Variants in DR1 observed in about 807,000 individuals in gnomAD.
DR1 encodes protein Dr1.
Under a neutral mutation model 19.9 loss-of-function variants are expected in DR1, and 7 were observed. That is an observed-to-expected ratio of 0.35 (90% CI 0.20 to 0.66). The LOEUF (loss-of-function observed/expected upper bound fraction) is 0.66. DR1 is among the 30% of genes least tolerant of loss of function. DR1 has a pLI of 0.66. For synonymous variants in DR1, 76 were observed against 72.5 expected, an observed-to-expected ratio of 1.05 and a Z score of -0.24; for missense variants, 98 against 203.7, an observed-to-expected ratio of 0.48 and a Z score of 3.16.
At position 93,365,801 on chromosome 1, in the gene DR1, A is replaced by G. The variant is rs2101643027; in HGVS notation, c.*5162A>G. On this transcript the variant is annotated 3_prime_UTR_variant, in exon 3 of 3. Coordinates refer to ENST00000370272, the MANE Select transcript of DR1 (RefSeq NM_001938.3). ...TTACCCGATAGGACCTAGAGCAGCC[A>G]TTATAAATCTCTGTACCTGCTTGCT... is the stretch of plus-strand genomic sequence containing the variant. 1 of 152,374 alleles carries G rather than the reference A, an allele frequency of 6.6e-6. No homozygotes were observed. The highest frequency in any genetic ancestry group is 2.4e-5 in the African/African-American group (1 of 41,586). The allele number at this position is 152,374 out of a possible 1,614,324, so 9.4% of individuals were successfully genotyped here.
intron 1 of DR1, among the ~76,000 whole-genome samples, chr1:93,351,012 A>G (rs1666907553): frequency 6.6e-6 from 1 of 152,206 alleles, no homozygotes. Flanking sequence ...TATGTTGTGT[A>G]CTGAACAACC....
At position 93,367,149 on chromosome 1, in the gene DR1, CAA is replaced by C. The variant is rs10586913; in HGVS notation, c.*6526_*6527del. The C allele has an allele frequency of 4.9e-5, 7 of 142,134 alleles. No individual in the cohort carries two copies. The highest frequency in any genetic ancestry group is 6.1e-5 in the Non-Finnish European group (4 of 65,906). The allele number at this position is 142,134 out of a possible 1,614,324, so 8.8% of individuals were successfully genotyped here. Reference sequence around the variant, plus strand: ...TGGGTGACAGAATGAGACCCTGTCTCAAAAAAAAAAAAAAAAAGTAAAAATTA... The same window carrying C: ...TGGGTGACAGAATGAGACCCTGTCTCAAAAAAAAAAAAAAAGTAAAAATTA... On this transcript the variant is annotated 3_prime_UTR_variant, in exon 3 of 3. Coordinates refer to ENST00000370272, the MANE Select transcript of DR1 (RefSeq NM_001938.3).
rs1301400958 is a variant in DR1, at chr1:93,346,380, C to G, written c.-266C>G. 3 of 472,236 alleles carry G rather than the reference C, an allele frequency of 6.4e-6. No homozygotes were observed. The highest frequency in any genetic ancestry group is 7.9e-5 in the East Asian group (2 of 25,288). 29.3% of individuals were successfully genotyped at this position (472,236 alleles called of 1,614,324 possible). On this transcript the variant is annotated 5_prime_UTR_variant, in exon 1 of 3. Transcript: ENST00000370272. ...CCAGCCGCTCAAATTTCCGGACCAC[C>G]GCGCTTTCCCCTCCTCAGCCTGGGC...
Position 93,367,078 on chromosome 1 carries a change from C to T in DR1, c.*6439C>T, listed in dbSNP as rs917549507. 6.6e-6 allele frequency: 1 copy of T among 151,168 alleles called. No individual in the cohort carries two copies. The highest frequency in any genetic ancestry group is 1.5e-5 in the Non-Finnish European group (1 of 67,980). 9.4% of individuals were successfully genotyped at this position (151,168 alleles called of 1,614,324 possible). A position where few individuals can be genotyped will look rare whatever the true frequency, so the allele number is the denominator to read the frequency against. ...ATAAACCCTGCATTAAACAATCCCA[C>T]AGTCGGTGCTGCGGTGAGCCGTGAT... On this transcript the variant is annotated 3_prime_UTR_variant, in exon 3 of 3. Transcript: ENST00000370272.
chr1:93,363,861 C>A lies in DR1; in HGVS notation c.*3222C>A, dbSNP rs890349398. ...CTGTATAGTCTTCCGTTTGTTTATC[C>A]ATTTTTCATTACATCCAAAAGTTAT... On this transcript the variant is annotated 3_prime_UTR_variant, in exon 3 of 3. Coordinates refer to ENST00000370272, the MANE Select transcript of DR1 (RefSeq NM_001938.3). 1 of 152,162 alleles carries A rather than the reference C, an allele frequency of 6.6e-6. No homozygotes were observed. The highest frequency in any genetic ancestry group is 1.5e-5 in the Non-Finnish European group (1 of 68,032). 9.4% of individuals were successfully genotyped at this position (152,162 alleles called of 1,614,324 possible). A position where few individuals can be genotyped will look rare whatever the true frequency, so the allele number is the denominator to read the frequency against.
intron 2 of DR1, among the ~76,000 whole-genome samples, chr1:93,357,897 A>T (rs987659570): frequency 3.4e-5 from 5 of 146,760 alleles, no homozygotes; most frequent in African/African-American, 1.2e-4. Flanking sequence ...CTATAGATAT[A>T]AAAAAAAATG....
At chr1:93,355,662 A>G (rs1666971554) in intron 2 of DR1, 1 of 152,204 alleles carries the variant, frequency 6.6e-6, no homozygotes, top group African/African-American at 2.4e-5. Context: ...TCACCTTTCT[A>G]TCCCTATTAT....
chr1:93,350,731 C>T (rs1476287442), intron 1 of DR1, among the ~76,000 whole-genome samples: 1 of 151,926 alleles, frequency 6.6e-6, no homozygotes, highest in Admixed American at 6.5e-5. Flanking sequence ...CTAATGTACA[C>T]CATGGACTTT....
chr1:93,363,388 T>C lies in DR1; in HGVS notation c.*2749T>C, dbSNP rs770250420. ...AGTGACTTAAAACAACACAGATTTA[T>C]TCTTTTATAGTCCTGGAGATCAGAA... is the stretch of plus-strand genomic sequence containing the variant. On this transcript the variant is annotated 3_prime_UTR_variant, in exon 3 of 3. Coordinates refer to ENST00000370272, the MANE Select transcript of DR1 (RefSeq NM_001938.3). The C allele has an allele frequency of 2.0e-5, 3 of 152,416 alleles. No homozygotes were observed. Among genetic ancestry groups the C allele is most frequent in the Middle Eastern group, 3.4e-3 (1 of 294 alleles). 9.4% of individuals were successfully genotyped at this position (152,416 alleles called of 1,614,324 possible). A position where few individuals can be genotyped will look rare whatever the true frequency, so the allele number is the denominator to read the frequency against.
chr1:93,346,537 AC>A lies in DR1; in HGVS notation c.-103del, dbSNP rs1262588888. ...ATTTTCTGCACCCTCTTCGCAAAGC[AC>A]CCCCCGGGATCACTCTCCGAGGGCG... On this transcript the variant is annotated 5_prime_UTR_variant, in exon 1 of 3. Coordinates refer to ENST00000370272, the MANE Select transcript of DR1 (RefSeq NM_001938.3). The A allele has an allele frequency of 2.8e-5, 23 of 826,004 alleles. No individual in the cohort carries two copies. The East Asian group carries it at 3.5e-4, about 12-fold the overall frequency. 51.2% of individuals were successfully genotyped at this position (826,004 alleles called of 1,614,324 possible).
Position 93,365,200 on chromosome 1 carries a change from A to G in DR1, c.*4561A>G, listed in dbSNP as rs1348612012. 6.6e-6 allele frequency: 1 copy of G among 152,174 alleles called. No homozygotes were observed. Among genetic ancestry groups the G allele is most frequent in the East Asian group, 1.9e-4 (1 of 5,190 alleles). 9.4% of individuals were successfully genotyped at this position (152,174 alleles called of 1,614,324 possible). On this transcript the variant is annotated 3_prime_UTR_variant, in exon 3 of 3. Transcript: ENST00000370272. ...TTGCAGTGGCTAGATTACAGTGACTATTCACAGGCATAATCATAATGCACC... is the reference window on the plus strand; with the variant it reads ...TTGCAGTGGCTAGATTACAGTGACTGTTCACAGGCATAATCATAATGCACC...
intron 2 of DR1, among the ~76,000 whole-genome samples, chr1:93,358,470 G>A (rs1019053908): frequency 1.3e-5 from 2 of 152,112 alleles, no homozygotes; most frequent in African/African-American, 4.8e-5. Context: ...ACTGAACGCG[G>A]TTTGCATTTT....
rs1388704006 is a variant in DR1, at chr1:93,368,646, C to A, written c.*8007C>A. ...TCATATTTATGTCACTAATAAACTT[C>A]TAGAATCCATGTAGTAGGGTGTAGT... is the stretch of plus-strand genomic sequence containing the variant. On this transcript the variant is annotated 3_prime_UTR_variant, in exon 3 of 3. Transcript: ENST00000370272. 6.6e-6 allele frequency: 1 copy of A among 152,144 alleles called. No homozygotes were observed. The allele number at this position is 152,144 out of a possible 1,614,324, so 9.4% of individuals were successfully genotyped here.
chr1:93,358,439 A>C lies in DR1; in HGVS notation c.385-2054A>C, dbSNP rs188385377. Among the ~76,000 whole-genome samples the C allele has an allele frequency of 7.2e-5, 11 of 152,284 alleles. No individual in the cohort carries two copies. The East Asian group carries it at 2.1e-3, about 29-fold the overall frequency. ...AGCAACACTTCTTCACCCTGGTTGC[A>C]TCAGTTTTCCTGTAGCAGAGACTGA... On this transcript the variant is annotated intron_variant, in intron 2 of 2. Coordinates refer to ENST00000370272, the MANE Select transcript of DR1 (RefSeq NM_001938.3).
intron 1 of DR1, among the ~76,000 whole-genome samples, chr1:93,350,773 G>A (rs945592688): frequency 1.5e-4 from 23 of 151,962 alleles, no homozygotes; most frequent in African/African-American, 5.3e-4. Context: ...CACGGCATAG[G>A]GTGACAGATA....
chr1:93,360,738 G>A lies in DR1; in HGVS notation c.*99G>A, dbSNP rs1667041556. 2.2e-6 allele frequency: 3 copies of A among 1,345,254 alleles called. No homozygotes were observed. The highest frequency in any genetic ancestry group is 2.0e-6 in the Non-Finnish European group (2 of 992,336). 83.3% of individuals were successfully genotyped at this position (1,345,254 alleles called of 1,614,324 possible). A position where few individuals can be genotyped will look rare whatever the true frequency, so the allele number is the denominator to read the frequency against. On this transcript the variant is annotated 3_prime_UTR_variant, in exon 3 of 3. Coordinates refer to ENST00000370272, the MANE Select transcript of DR1 (RefSeq NM_001938.3). ...TATCTGTAATTTTGTATGCATCTTG[G>A]TGGACTTGTCATTGGTATTCTAGGG...
In DR1 at chr1:93,368,031, A is replaced by C. The variant is rs1667188343; in HGVS notation, c.*7392A>C. ...TCTCAAAAAAACAAACAAAAAAAGA[A>C]ATTACATTAGTTGAGGACCTGCTGT... On this transcript the variant is annotated 3_prime_UTR_variant, in exon 3 of 3. Coordinates refer to ENST00000370272, the MANE Select transcript of DR1 (RefSeq NM_001938.3). 1.3e-5 allele frequency: 2 copies of C among 152,148 alleles called. No homozygotes were observed. Among genetic ancestry groups the C allele is most frequent in the African/African-American group, 4.8e-5 (2 of 41,434 alleles). 9.4% of individuals were successfully genotyped at this position (152,148 alleles called of 1,614,324 possible).
Position 93,369,214 on chromosome 1 carries a change from C to T in DR1, c.*8575C>T, listed in dbSNP as rs1276246520. 2 of 152,040 alleles carry T rather than the reference C, an allele frequency of 1.3e-5. No individual in the cohort carries two copies. Among genetic ancestry groups the T allele is most frequent in the Non-Finnish European group, 2.9e-5 (2 of 67,980 alleles). 9.4% of individuals were successfully genotyped at this position (152,040 alleles called of 1,614,324 possible). On this transcript the variant is annotated 3_prime_UTR_variant, in exon 3 of 3. Transcript: ENST00000370272. ...GTAAGTAATTATGAAAACTATTTTTCTTCCACTAGAACTTTTTTCCCCAAA... is the reference window on the plus strand; with the variant it reads ...GTAAGTAATTATGAAAACTATTTTTTTTCCACTAGAACTTTTTTCCCCAAA...
rs1305259179 is a variant in DR1 at position 93,346,884 on chromosome 1, C to T, written c.220+19C>T. On this transcript the variant is annotated intron_variant, in intron 1 of 2. Coordinates refer to ENST00000370272, the MANE Select transcript of DR1 (RefSeq NM_001938.3). The stretch of plus-strand genomic sequence containing the variant: ...ATACAAGGTAAGTCGTGTGTGAGAG[C>T]TGGTTTGAATGAGGTTCTAGGGTAG... The T allele has an allele frequency of 1.3e-6, 2 of 1,590,774 alleles. No homozygotes were observed. Among genetic ancestry groups the T allele is most frequent in the East Asian group, 2.2e-5 (1 of 44,578 alleles).
Sources: gnomAD v4.1 joint callset for allele counts (sites outside exome capture counted in the v4.1 genomes callset) on GRCh38, gnomAD v4.1.1 for gene constraint, MANE v1.5 for transcripts, NCBI Gene and HGNC (gene_info 2026-07-23, HGNC 2026-07-21) for gene names.